ADAM23: variants seen among roughly 807,000 people sequenced by gnomAD.
ADAM23 encodes ADAM metallopeptidase domain 23.
Under a neutral mutation model 120.1 loss-of-function variants are expected in ADAM23, and 33 were observed. The ratio of observed to expected loss-of-function variants is 0.27; its 90% CI spans 0.21 to 0.37. The LOEUF (loss-of-function observed/expected upper bound fraction) is 0.37, where lower values mean the gene tolerates loss of function less well. ADAM23 is among the 10% of genes least tolerant of loss of function. The pLI, the probability that ADAM23 is intolerant of heterozygous loss-of-function variation, is 1.00. For missense variants in ADAM23, 862 were observed against 1,058.2 expected (o/e 0.81, Z 2.57); for synonymous variants, 367 against 375.2 (o/e 0.98, Z 0.25).
intron 13 of ADAM23, 90 bp downstream of exon 13, chr2:206,562,383 G>A: frequency 1.1e-6 from 1 of 932,106 alleles, no homozygotes; most frequent in Non-Finnish European, 1.6e-6. Flanking sequence ...TTTCATTCCA[G>A]TCATTATAGT....
chr2:206,473,642 ATAT>A (rs35213498), intron 2 of ADAM23, among the ~76,000 whole-genome samples: 11,776 of 151,516 alleles, frequency 0.078, 505 homozygotes, highest in Middle Eastern at 0.12. Flanking sequence ...TTTAATTGAC[ATAT>A]TATATTTTTC....
chr2:206,554,708 T>C (rs1205266175), intron 9 of ADAM23, among the ~76,000 whole-genome samples: 3 of 152,194 alleles, frequency 2.0e-5, no homozygotes, highest in African/African-American at 7.2e-5. Flanking sequence ...TCTAGCTGTG[T>C]GATCTTGAGT....
intron 2 of ADAM23, among the ~76,000 whole-genome samples, chr2:206,477,880 TAAAAAAAAA>T (rs71034456): frequency 4.6e-5 from 5 of 109,172 alleles, no homozygotes; most frequent in South Asian, 5.8e-4. Context: ...AATATTCTGT[TAAAAAAAAA>T]AAAAAAAAAT....
chr2:206,448,035 C>A (rs1486906808), intron 2 of ADAM23, among the ~76,000 whole-genome samples: 1 of 152,176 alleles, frequency 6.6e-6, no homozygotes, highest in Non-Finnish European at 1.5e-5. Flanking sequence ...TTGTGCAAAC[C>A]ACCTCTTTGC....
In ADAM23 at chr2:206,619,091, A is replaced by G. The variant is rs965303756; in HGVS notation, c.*1464A>G. ...GGTAGAACCCTATTGGAAAAGTGGT[A>G]ATGGGAATAGAAGGAGCAGTTACCT... On this transcript the variant is annotated 3_prime_UTR_variant, in exon 26 of 26. Transcript: ENST00000264377. 1.3e-5 allele frequency: 2 copies of G among 152,222 alleles called. No homozygotes were observed. The highest frequency in any genetic ancestry group is 1.3e-4 in the Admixed American group (2 of 15,278). The allele number at this position is 152,222 out of a possible 1,614,324, so 9.4% of individuals were successfully genotyped here. A position where few individuals can be genotyped will look rare whatever the true frequency, so the allele number is the denominator to read the frequency against.
intron 6 of ADAM23, 55 bp from the exon 7 acceptor site, chr2:206,547,374 A>AT (rs1697419852): frequency 5.5e-6 from 8 of 1,450,640 alleles, no homozygotes; most frequent in Non-Finnish European, 4.8e-6. Flanking sequence ...ACACTGTTTC[A>AT]TAGAGGCTTG....
At chr2:206,603,859 G>A (rs1473179369) in intron 24 of ADAM23, among the ~76,000 whole-genome samples, 6 of 151,788 alleles carry the variant, frequency 4.0e-5, no homozygotes, top group African/African-American at 1.5e-4. Context: ...TATGGGAGAG[G>A]GTTTTTTGTA....
chr2:206,548,982 T>C (rs1697458184), intron 8 of ADAM23, among the ~76,000 whole-genome samples: 1 of 152,148 alleles, frequency 6.6e-6, no homozygotes, highest in African/African-American at 2.4e-5. Context: ...ATTATGTTTC[T>C]GGTCTTTTCA....
chr2:206,452,179 T>G (rs1026970367), intron 2 of ADAM23, among the ~76,000 whole-genome samples: 2 of 152,250 alleles, frequency 1.3e-5, no homozygotes, highest in Non-Finnish European at 2.9e-5. Context: ...GCCCTCATTC[T>G]TTGTTGCTAA....
At chr2:206,610,457 A>G (rs999479492) in intron 25 of ADAM23, among the ~76,000 whole-genome samples, 1 of 152,238 alleles carries the variant, frequency 6.6e-6, no homozygotes, top group Non-Finnish European at 1.5e-5. Context: ...GTAACATAGT[A>G]TATGTAGCTT....
chr2:206,459,308 T>C (rs1338503259), intron 2 of ADAM23, among the ~76,000 whole-genome samples: 1 of 152,230 alleles, frequency 6.6e-6, no homozygotes, highest in African/African-American at 2.4e-5. Flanking sequence ...TTGGAAATGG[T>C]TAATTATTAT....
chr2:206,592,256 C>G (rs574285882), intron 21 of ADAM23, among the ~76,000 whole-genome samples: 1 of 152,254 alleles, frequency 6.6e-6, no homozygotes, highest in Admixed American at 6.5e-5. Flanking sequence ...ATCCTCCCAG[C>G]CACTCCCTAG....
rs35887574 is a variant in ADAM23 at position 206,619,518 on chromosome 2, CT to C, written c.*1901del. On this transcript the variant is annotated 3_prime_UTR_variant, in exon 26 of 26. Coordinates refer to ENST00000264377, the MANE Select transcript of ADAM23 (RefSeq NM_003812.4). ...CCCCTACTTCTCTAATGCCCCCCCC[CT>C]TTTTTTTTTAGGAAAAGAACATGCA... The C allele has an allele frequency of 0.013, 1,148 of 88,970 alleles. 23 individuals are homozygous for C. Among genetic ancestry groups the C allele is most frequent in the African/African-American group, 0.042 (1,052 of 24,788 alleles). The allele number at this position is 88,970 out of a possible 1,614,324, so 5.5% of individuals were successfully genotyped here.
intron 2 of ADAM23, among the ~76,000 whole-genome samples, chr2:206,454,164 G>T (rs578225350): frequency 6.6e-6 from 1 of 152,234 alleles, no homozygotes; most frequent in Non-Finnish European, 1.5e-5. Context: ...AAGAAAAGAG[G>T]TTTAATTAAC....
chr2:206,460,307 T>C (rs1695389803), intron 2 of ADAM23, among the ~76,000 whole-genome samples: 1 of 152,240 alleles, frequency 6.6e-6, no homozygotes, highest in African/African-American at 2.4e-5. Context: ...CATAGCATTT[T>C]CCATGATGGT....
In ADAM23 at chr2:206,531,860, T is replaced by C. The variant is rs1320597726; in HGVS notation, c.573+912T>C. ...TGTGGACTTGTGCCATATAGGTAAC[T>C]GGGATTTTCAATCTGATGGCTTCTC... On this transcript the variant is annotated intron_variant, in intron 4 of 25. Transcript: ENST00000264377. Among the ~76,000 whole-genome samples the C allele has an allele frequency of 2.0e-5, 3 of 152,214 alleles. No homozygotes were observed. The East Asian group carries it at 5.8e-4, about 29-fold the overall frequency.
Position 206,618,476 on chromosome 2 carries a change from G to A in ADAM23, c.*849G>A, listed in dbSNP as rs1698978384. ...AGATTTTGACACATCATTTTCACTTGTCTGTATTGAGATATTTTCCTTGTA... is the reference window on the plus strand; with the variant it reads ...AGATTTTGACACATCATTTTCACTTATCTGTATTGAGATATTTTCCTTGTA... On this transcript the variant is annotated 3_prime_UTR_variant, in exon 26 of 26. Coordinates refer to ENST00000264377, the MANE Select transcript of ADAM23 (RefSeq NM_003812.4). The A allele has an allele frequency of 1.3e-5, 2 of 152,154 alleles. No individual in the cohort carries two copies. Among genetic ancestry groups the A allele is most frequent in the Admixed American group, 1.3e-4 (2 of 15,272 alleles). The allele number at this position is 152,154 out of a possible 1,614,324, so 9.4% of individuals were successfully genotyped here.
intron 2 of ADAM23, among the ~76,000 whole-genome samples, chr2:206,451,387 G>A (rs1349852448): frequency 6.6e-6 from 1 of 152,172 alleles, no homozygotes; most frequent in East Asian, 1.9e-4. Flanking sequence ...CTACAGGTGT[G>A]TGCCACCACA....
Position 206,565,070 on chromosome 2 carries a change from T to A in ADAM23, c.1394+2T>A. The stretch of plus-strand genomic sequence containing the variant: ...TGGCTGCATCATGGAGGAAACAGGG[T>A]AAATTTTCATTATGCGTGCATTTGA... On this transcript the variant is annotated splice_donor_variant, in intron 14 of 25. Coordinates refer to ENST00000264377, the MANE Select transcript of ADAM23 (RefSeq NM_003812.4). LOFTEE classifies it high-confidence loss of function. 1 of 1,613,996 alleles carries A rather than the reference T, an allele frequency of 6.2e-7. No individual in the cohort carries two copies. The highest frequency in any genetic ancestry group is 8.5e-7 in the Non-Finnish European group (1 of 1,179,894).
Sources: gnomAD v4.1 joint callset for allele counts (sites outside exome capture counted in the v4.1 genomes callset) on GRCh38, gnomAD v4.1.1 for gene constraint, MANE v1.5 for transcripts, NCBI Gene and HGNC (gene_info 2026-07-23, HGNC 2026-07-21) for gene names.